FNBP1: variants seen among roughly 807,000 people sequenced by gnomAD.
FNBP1 encodes the protein formin-binding protein 1.
Under a neutral mutation model 90.6 loss-of-function variants are expected in FNBP1, and 26 were observed. That is an observed-to-expected ratio of 0.29 (90% CI 0.21 to 0.40). The LOEUF (loss-of-function observed/expected upper bound fraction) is 0.40. FNBP1 is among the 10% of genes least tolerant of loss of function. FNBP1 has a pLI of 1.00. For synonymous variants in FNBP1, 260 were observed against 265.2 expected (o/e 0.98, Z 0.19); for missense variants, 635 against 768.0 (o/e 0.83, Z 2.05).
chr9:129,997,073 C>T (rs2054121234), intron 1 of FNBP1, among the ~76,000 whole-genome samples: 1 of 151,796 alleles, frequency 6.6e-6, no homozygotes, highest in Non-Finnish European at 1.5e-5. Flanking sequence ...GCCTGTAATC[C>T]CAGCATTTTG....
rs1299077954 is a variant in FNBP1, at chr9:129,929,632, T to C, written c.577A>G (p.Ile193Val). The change falls in exon 7 of 17, where the codon ATT becomes GTT. Residue 193 changes from isoleucine to valine, a missense_variant. Physicochemically the swap from Ile to Val is conservative, Grantham distance 29. Transcript: ENST00000446176. The part of the protein sequence containing the change: ...AEDSKADYSS[I>V]LQKFNHEQHE... ...TGCTCATGGTTGAATTTCTGGAGAA[T>C]GGATGAGTAATCTGCTTTGCTGTCC... The C allele has an allele frequency of 1.2e-6, 2 of 1,613,798 alleles. No homozygotes were observed. The highest frequency in any genetic ancestry group is 1.7e-6 in the Non-Finnish European group (2 of 1,179,804).
chr9:130,043,897 C>G (rs939263406), upstream of FNBP1, among the ~76,000 whole-genome samples: 1 of 152,228 alleles, frequency 6.6e-6, no homozygotes, highest in African/African-American at 2.4e-5. Context: ...CAAATCCAGC[C>G]TCCCGCACGT....
intron 1 of FNBP1, among the ~76,000 whole-genome samples, chr9:130,033,846 CAA>C (rs36040639): frequency 0.059 from 6,132 of 103,656 alleles, 146 homozygotes; most frequent in South Asian, 0.098. Context: ...ACTAAAAATA[CAA>C]AAAAAAAAAA....
chr9:129,891,083 A>C (rs1269271072), intron 16 of FNBP1, among the ~76,000 whole-genome samples: 1 of 149,958 alleles, frequency 6.7e-6, no homozygotes, highest in Non-Finnish European at 1.5e-5. Context: ...TCAACCCAGG[A>C]GGCGGAGGTT....
At chr9:129,927,066 A>G in intron 8 of FNBP1, 129 bp downstream of exon 8, 1 of 827,796 alleles carries the variant, frequency 1.2e-6, no homozygotes, top group Admixed American at 2.3e-5. Context: ...TCCAAGACAC[A>G]GAGCATGTGT....
chr9:129,935,613 GA>G (rs2043314011), intron 6 of FNBP1, among the ~76,000 whole-genome samples: 2 of 152,064 alleles, frequency 1.3e-5, no homozygotes, highest in African/African-American at 4.8e-5. Context: ...TCAACCTCCT[GA>G]GTAGCTGGGA....
Position 129,890,621 on chromosome 9 carries a change from C to T in FNBP1, c.1847-75G>A. The stretch of plus-strand genomic sequence containing the variant: ...GCGCGGGTTCCAGGCGGGCATTTTG[C>T]TCTTGGCTACAAACTGCACCGCCCT... On this transcript the variant is annotated intron_variant, in intron 16 of 16. Coordinates refer to ENST00000446176, the MANE Select transcript of FNBP1 (RefSeq NM_015033.3). The surrounding 1 kb of genome is among the most constrained non-coding windows in gnomAD (Gnocchi z 5.8). The T allele has an allele frequency of 8.6e-7, 1 of 1,167,068 alleles. No homozygotes were observed. The highest frequency in any genetic ancestry group is 1.3e-5 in the South Asian group (1 of 77,098). The allele number at this position is 1,167,068 out of a possible 1,614,324, so 72.3% of individuals were successfully genotyped here.
intron 1 of FNBP1, among the ~76,000 whole-genome samples, chr9:129,998,707 G>A (rs2054383693): frequency 6.6e-6 from 1 of 152,182 alleles, no homozygotes; most frequent in South Asian, 2.1e-4. Flanking sequence ...TCAAACTGAT[G>A]TATACTATAC....
chr9:129,902,231 G>GA (rs775550515), intron 13 of FNBP1, among the ~76,000 whole-genome samples: 5 of 152,040 alleles, frequency 3.3e-5, no homozygotes, highest in Non-Finnish European at 7.4e-5. Context: ...GATTCACTGG[G>GA]ATAACGGATC....
chr9:129,967,035 T>G (rs549710970), intron 4 of FNBP1, among the ~76,000 whole-genome samples: 9 of 152,280 alleles, frequency 5.9e-5, no homozygotes, highest in African/African-American at 1.9e-4. Context: ...TCAGAACATT[T>G]ACTGAAGGCA....
At chr9:129,996,177 T>C (rs2131337274) in intron 1 of FNBP1, among the ~76,000 whole-genome samples, 1 of 152,244 alleles carries the variant, frequency 6.6e-6, no homozygotes, top group East Asian at 1.9e-4. Flanking sequence ...GGGACTGGCC[T>C]GTCCAGAAGA....
chr9:129,998,445 T>C lies in FNBP1; in HGVS notation c.25-3487A>G, dbSNP rs551108735. Among the ~76,000 whole-genome samples, 283 of 148,778 alleles carry C rather than the reference T, an allele frequency of 1.9e-3. 1 individual carries two copies. Among genetic ancestry groups the C allele is most frequent in the African/African-American group, 5.8e-3 (234 of 40,228 alleles). On this transcript the variant is annotated intron_variant, in intron 1 of 16. Transcript: ENST00000446176. ...AGGAGAATCGCTCAAGCCCAGGAGG[T>C]GGAGGTTGCAGTGAGCCAAGACGGG...
intron 6 of FNBP1, among the ~76,000 whole-genome samples, chr9:129,956,665 T>C (rs2046987007): frequency 1.3e-5 from 2 of 152,156 alleles, no homozygotes; most frequent in South Asian, 2.1e-4. Flanking sequence ...AGTGAGACTA[T>C]TGCTCTAAAG....
upstream of FNBP1, among the ~76,000 whole-genome samples, chr9:130,045,625 C>T (rs1318006839): frequency 6.6e-6 from 1 of 152,078 alleles, no homozygotes; most frequent in Non-Finnish European, 1.5e-5. Flanking sequence ...TAAAAGCTGC[C>T]GCAGAACTCT....
In FNBP1 at chr9:129,968,676, C is replaced by T. The variant is rs1036436413; in HGVS notation, c.345+9789G>A. On this transcript the variant is annotated intron_variant, in intron 4 of 16. Coordinates refer to ENST00000446176, the MANE Select transcript of FNBP1 (RefSeq NM_015033.3). Reference sequence around the variant, plus strand: ...TTTTAGTGCAGTATCCATTTTCAAACATTTCAGAAACCTCGCGAGTAGTTT... The same window carrying T: ...TTTTAGTGCAGTATCCATTTTCAAATATTTCAGAAACCTCGCGAGTAGTTT... Among the ~76,000 whole-genome samples the T allele has an allele frequency of 8.5e-5, 13 of 152,294 alleles. No homozygotes were observed. The East Asian group carries it at 2.5e-3, about 29-fold the overall frequency.
rs377092919 is a variant in FNBP1 at position 129,978,549 on chromosome 9, A to G, written c.261T>C (p.His87=). The G allele has an allele frequency of 2.1e-5, 34 of 1,613,834 alleles. No individual in the cohort carries two copies. The African/African-American group carries it at 3.9e-4, about 18-fold the overall frequency. ...LNEMNDYAGQ[H]EVISENMASQ... The stretch of plus-strand genomic sequence containing the variant: ...ATGCCATGTTCTCGGAGATAACTTC[A>G]TGCTGCCCTGCGTAATCATTCATTT... Residue 87 remains histidine (H), a synonymous_variant, in exon 4 of 17, where the codon CAT becomes CAC. Coordinates refer to ENST00000446176, the MANE Select transcript of FNBP1 (RefSeq NM_015033.3).
intron 1 of FNBP1, among the ~76,000 whole-genome samples, chr9:130,018,160 C>A (rs1292424692): frequency 6.6e-6 from 1 of 151,422 alleles, no homozygotes; most frequent in Non-Finnish European, 1.5e-5. Flanking sequence ...GTGATCCACC[C>A]ACCTCGGCCT....
At chr9:129,985,484 CTT>C (rs1360483605) in intron 2 of FNBP1, among the ~76,000 whole-genome samples, 3 of 152,202 alleles carry the variant, frequency 2.0e-5, no homozygotes, top group Non-Finnish European at 4.4e-5. Context: ...CATTGGGACT[CTT>C]GAGTCTGAAC....
At chr9:130,027,961 C>T (rs2058500508) in intron 1 of FNBP1, among the ~76,000 whole-genome samples, 1 of 152,038 alleles carries the variant, frequency 6.6e-6, no homozygotes, top group African/African-American at 2.4e-5. Context: ...TTGTGTTGCT[C>T]AGGGTAGTCT....
Sources: gnomAD v4.1 joint callset for allele counts (sites outside exome capture counted in the v4.1 genomes callset) on GRCh38, gnomAD v4.1.1 for gene constraint, Gnocchi (gnomAD v3.1) non-coding constraint, MANE v1.5 for transcripts, NCBI Gene and HGNC (gene_info 2026-07-23, HGNC 2026-07-21) for gene names.